The following CNTN6 variants were observed in gnomAD, a reference collection of about 807,000 sequenced individuals.
The protein encoded by CNTN6 is contactin 6.
A neutral mutation model predicts 122.8 loss-of-function variants in CNTN6; 137 were observed. That is an observed-to-expected ratio of 1.12 (90% CI 0.97 to 1.29). CNTN6 has a LOEUF of 1.29. CNTN6 is among the 50% of genes most tolerant of loss of function. The pLI, the probability that CNTN6 is intolerant of heterozygous loss-of-function variation, is 0.00. For synonymous variants in CNTN6, 570 were observed against 426.0 expected (o/e 1.34, Z -4.16); for missense variants, 1,634 against 1,223.4 (o/e 1.34, Z -5.01).
intron 2 of CNTN6, among the ~76,000 whole-genome samples, chr3:1,213,323 G>A (rs980926551): frequency 1.4e-5 from 2 of 141,266 alleles, no homozygotes; most frequent in African/African-American, 5.0e-5. Flanking sequence ...ATTTCAACCA[G>A]GTTTTCTTTT....
At chr3:1,107,344 G>A (rs2091274395) in intron 1 of CNTN6, among the ~76,000 whole-genome samples, 1 of 151,958 alleles carries the variant, frequency 6.6e-6, no homozygotes, top group South Asian at 2.1e-4. Flanking sequence ...TTGTTCATTT[G>A]AAGAATAAAT....
chr3:1,331,691 G>A (rs1702311187), intron 11 of CNTN6, among the ~76,000 whole-genome samples: 1 of 151,870 alleles, frequency 6.6e-6, no homozygotes, highest in Admixed American at 6.6e-5. Flanking sequence ...TTGATTAACT[G>A]TGCCTCATTT....
At chr3:1,290,045 C>T (rs768280390) in intron 5 of CNTN6, among the ~76,000 whole-genome samples, 1 of 152,190 alleles carries the variant, frequency 6.6e-6, no homozygotes, top group Middle Eastern at 3.2e-3. Flanking sequence ...CACCTAGGAG[C>T]TTGTTAGCAA....
At chr3:1,291,025 C>T (rs1225093921) in intron 5 of CNTN6, among the ~76,000 whole-genome samples, 1 of 152,156 alleles carries the variant, frequency 6.6e-6, no homozygotes, top group Admixed American at 6.5e-5. Context: ...AGCCCGTATT[C>T]AAGATGGAGT....
At chr3:1,327,221 G>T (rs893445294) in intron 9 of CNTN6, among the ~76,000 whole-genome samples, 6 of 151,866 alleles carry the variant, frequency 4.0e-5, no homozygotes, top group Non-Finnish European at 1.5e-5. Context: ...TTTGTGCAAA[G>T]TATGTCAATT....
chr3:1,284,604 A>G (rs1238009521), intron 5 of CNTN6, among the ~76,000 whole-genome samples: 4 of 152,246 alleles, frequency 2.6e-5, no homozygotes, highest in Non-Finnish European at 4.4e-5. Flanking sequence ...GATAAAGTGG[A>G]AAAGAGAGAC....
At chr3:1,272,069 G>A (rs1018548048) in intron 4 of CNTN6, among the ~76,000 whole-genome samples, 5 of 152,072 alleles carry the variant, frequency 3.3e-5, no homozygotes, top group Non-Finnish European at 5.9e-5. Context: ...TTTTATAAAG[G>A]GCAGTTCCCC....
intron 4 of CNTN6, among the ~76,000 whole-genome samples, chr3:1,252,778 T>C (rs920347511): frequency 6.6e-6 from 1 of 152,098 alleles, no homozygotes; most frequent in East Asian, 1.9e-4. Flanking sequence ...TCGAAGCAAA[T>C]AGAGGGTCCT....
intron 4 of CNTN6, among the ~76,000 whole-genome samples, chr3:1,268,595 A>C (rs564523845): frequency 8.4e-6 from 1 of 118,882 alleles, no homozygotes; most frequent in Non-Finnish European, 1.6e-5. Flanking sequence ...CGACAGAGCG[A>C]GACTCCGTCT....
At chr3:1,275,042 C>A (rs1157147480) in intron 4 of CNTN6, among the ~76,000 whole-genome samples, 1 of 152,158 alleles carries the variant, frequency 6.6e-6, no homozygotes, top group East Asian at 1.9e-4. Flanking sequence ...ACTCTGCAGT[C>A]CATCTTTTAC....
intron 12 of CNTN6, among the ~76,000 whole-genome samples, chr3:1,365,010 T>C (rs921284210): frequency 6.6e-5 from 10 of 152,052 alleles, no homozygotes; most frequent in African/African-American, 2.4e-4. Flanking sequence ...CTAGTTCTTA[T>C]GATTTCAGAA....
intron 1 of CNTN6, among the ~76,000 whole-genome samples, chr3:1,104,382 G>C (rs2091113865): frequency 1.3e-5 from 2 of 152,066 alleles, no homozygotes; most frequent in Admixed American, 1.3e-4. Context: ...GGGTTTTTCA[G>C]AGGATTAACA....
intron 11 of CNTN6, among the ~76,000 whole-genome samples, chr3:1,331,720 A>G (rs2126005267): frequency 6.6e-6 from 1 of 152,020 alleles, no homozygotes; most frequent in African/African-American, 2.4e-5. Flanking sequence ...AACTCACCCA[A>G]GGAGCAGAAT....
chr3:1,146,787 A>G (rs570347407), intron 1 of CNTN6, among the ~76,000 whole-genome samples: 36 of 152,264 alleles, frequency 2.4e-4, no homozygotes, highest in African/African-American at 6.5e-4. Flanking sequence ...TAATGAATGA[A>G]TAGATATAAC....
At chr3:1,163,959 C>G (rs1441010827) in intron 2 of CNTN6, among the ~76,000 whole-genome samples, 3 of 152,172 alleles carry the variant, frequency 2.0e-5, no homozygotes, top group African/African-American at 7.2e-5. Flanking sequence ...CAGGAAACAA[C>G]AAGTTTCACT....
At chr3:1,385,507 C>A in intron 19 of CNTN6, 104 bp from the exon 20 acceptor site, 1 of 833,904 alleles carries the variant, frequency 1.2e-6, no homozygotes, top group Non-Finnish European at 1.8e-6. Context: ...ATACTTCTGT[C>A]TTCTTCCCAT....
intron 2 of CNTN6, among the ~76,000 whole-genome samples, chr3:1,148,618 A>G (rs941181362): frequency 6.6e-6 from 1 of 152,138 alleles, no homozygotes; most frequent in African/African-American, 2.4e-5. Flanking sequence ...ATGTTCTTTT[A>G]TTCAACTTGA....
chr3:1,104,919 A>G (rs1177584476), intron 1 of CNTN6, among the ~76,000 whole-genome samples: 4 of 152,112 alleles, frequency 2.6e-5, no homozygotes, highest in African/African-American at 4.8e-5. Flanking sequence ...TTTTACTCAA[A>G]CCAATAACCT....
chr3:1,304,584 A>G (rs557562074), intron 7 of CNTN6, among the ~76,000 whole-genome samples: 32 of 152,362 alleles, frequency 2.1e-4, no homozygotes, highest in African/African-American at 7.5e-4. Flanking sequence ...GAAAGAATTC[A>G]GCAAAATGTT....
Sources: allele counts gnomAD v4.1 joint callset (sites outside exome capture counted in the v4.1 genomes callset), GRCh38; gene constraint gnomAD v4.1.1; transcripts MANE v1.5; gene names NCBI Gene and HGNC (gene_info 2026-07-23, HGNC 2026-07-21).